Variants in CTNNBL1 observed in about 807,000 individuals in gnomAD.
CTNNBL1 encodes beta-catenin-like protein 1.
A neutral mutation model predicts 72.7 loss-of-function variants in CTNNBL1; 31 were observed. The observed-to-expected ratio is 0.43, with a 90% CI of 0.32 to 0.58. CTNNBL1 has a LOEUF of 0.58. Among genes scored for constraint, CTNNBL1 ranks in the 20% least tolerant of loss-of-function variants. The probability of loss-of-function intolerance (pLI) is 0.08; values close to 1 mark genes in which losing one functional copy is unlikely to be tolerated. For synonymous variants in CTNNBL1, 240 were observed against 267.3 expected (o/e 0.90, Z 1.00); for missense variants, 534 against 725.1 (o/e 0.74, Z 3.03).
intron 10 of CTNNBL1, among the ~76,000 whole-genome samples, chr20:37,782,331 A>G (rs754939885): frequency 1.3e-4 from 20 of 152,142 alleles, no homozygotes; most frequent in Non-Finnish European, 2.2e-4. Context: ...AAGAAAGATC[A>G]CAAACAAGAT....
chr20:37,747,806 C>T (rs536166794), intron 4 of CTNNBL1, among the ~76,000 whole-genome samples: 2 of 152,224 alleles, frequency 1.3e-5, no homozygotes, highest in South Asian at 4.1e-4. Context: ...ACTCAATCTC[C>T]TGGCCTCAAG....
At chr20:37,787,587 G>A (rs762006400) in intron 10 of CTNNBL1, among the ~76,000 whole-genome samples, 2 of 152,210 alleles carry the variant, frequency 1.3e-5, no homozygotes, top group South Asian at 2.1e-4. Flanking sequence ...CTCGTGATCC[G>A]CACGCCTTGG....
At chr20:37,775,915 T>C (rs1275868147) in intron 7 of CTNNBL1, among the ~76,000 whole-genome samples, 2 of 152,274 alleles carry the variant, frequency 1.3e-5, no homozygotes, top group Non-Finnish European at 2.9e-5. Context: ...AATGCTAATG[T>C]ATAAGTTGGT....
intron 15 of CTNNBL1, among the ~76,000 whole-genome samples, chr20:37,867,731 AG>A (rs2072548180): frequency 6.6e-6 from 1 of 152,086 alleles, no homozygotes. Flanking sequence ...ACACACATGC[AG>A]CAGAGAGAAC....
intron 1 of CTNNBL1, 112 bp from the exon 2 acceptor site, chr20:37,732,767 A>G (rs1359492470): frequency 2.7e-5 from 25 of 922,728 alleles, no homozygotes; most frequent in Non-Finnish European, 1.6e-6. Flanking sequence ...TCCTGGGCTC[A>G]AGAGATCTGC....
At chr20:37,730,767 A>C (rs772658598) in intron 1 of CTNNBL1, among the ~76,000 whole-genome samples, 6 of 152,208 alleles carry the variant, frequency 3.9e-5, no homozygotes, top group Non-Finnish European at 7.3e-5. Flanking sequence ...GCTGGAGCCC[A>C]GAAGTTCAGG....
chr20:37,779,458 A>G, intron 10 of CTNNBL1, 123 bp downstream of exon 10: 2 of 1,110,428 alleles, frequency 1.8e-6, no homozygotes, highest in Non-Finnish European at 2.6e-6. Context: ...TACCCTGAAG[A>G]GTAAAGTCTT....
chr20:37,840,905 G>C (rs1410860819), intron 12 of CTNNBL1, among the ~76,000 whole-genome samples: 1 of 152,086 alleles, frequency 6.6e-6, no homozygotes. Flanking sequence ...AGATGGTTCG[G>C]GCTATGGAAG....
chr20:37,777,863 G>A, intron 9 of CTNNBL1, 151 bp downstream of exon 9: 1 of 738,378 alleles, frequency 1.4e-6, no homozygotes, highest in East Asian at 2.6e-5. Context: ...GAGGGACATG[G>A]TTTGCCTCCT....
chr20:37,758,852 A>C (rs546105297), intron 5 of CTNNBL1, among the ~76,000 whole-genome samples: 1 of 152,346 alleles, frequency 6.6e-6, no homozygotes, highest in Admixed American at 6.5e-5. Flanking sequence ...GTCCTACCCA[A>C]GACCCACTGA....
chr20:37,835,980 G>T (rs1320360094), intron 11 of CTNNBL1, among the ~76,000 whole-genome samples: 1 of 152,204 alleles, frequency 6.6e-6, no homozygotes, highest in Non-Finnish European at 1.5e-5. Context: ...TATGGGAAAA[G>T]AAATATATTA....
intron 11 of CTNNBL1, among the ~76,000 whole-genome samples, chr20:37,809,578 G>T (rs2071991398): frequency 6.6e-6 from 1 of 152,174 alleles, no homozygotes; most frequent in Admixed American, 6.5e-5. Context: ...GATCACACGT[G>T]TCACACTCAT....
intron 10 of CTNNBL1, among the ~76,000 whole-genome samples, chr20:37,795,700 G>A (rs1294152727): frequency 1.3e-5 from 2 of 151,954 alleles, no homozygotes; most frequent in African/African-American, 2.4e-5. Context: ...ACATGCTGAT[G>A]CTTTTCTCGA....
At chr20:37,745,355 C>T (rs2073253504) in intron 3 of CTNNBL1, among the ~76,000 whole-genome samples, 1 of 152,100 alleles carries the variant, frequency 6.6e-6, no homozygotes, top group Non-Finnish European at 1.5e-5. Context: ...CAGTAGGCAT[C>T]TGTGGATATA....
chr20:37,816,474 C>T (rs6067731), intron 11 of CTNNBL1, among the ~76,000 whole-genome samples: 57,022 of 151,998 alleles, frequency 0.38, 11,012 homozygotes, highest in Admixed American at 0.49. Context: ...ACTTGAGTGT[C>T]GTTTGTTCTC....
At position 37,780,830 on chromosome 20, in the gene CTNNBL1, C is replaced by T. The variant is rs61609607; in HGVS notation, c.1031+1495C>T. Among the ~76,000 whole-genome samples, 1,482 of 152,168 alleles carry T rather than the reference C, an allele frequency of 9.7e-3. 21 individuals carry two copies. Among genetic ancestry groups the T allele is most frequent in the African/African-American group, 0.034 (1,427 of 41,512 alleles). ...CCAGTTTTTCTGATCATTGTTATAACGGTGTTATTTGAGGATCTGACCTCC... is the reference window on the plus strand; with the variant it reads ...CCAGTTTTTCTGATCATTGTTATAATGGTGTTATTTGAGGATCTGACCTCC... On this transcript the variant is annotated intron_variant, in intron 10 of 15. Coordinates refer to ENST00000361383, the MANE Select transcript of CTNNBL1 (RefSeq NM_030877.5).
At chr20:37,738,385 T>C (rs986945581) in intron 3 of CTNNBL1, among the ~76,000 whole-genome samples, 7 of 152,244 alleles carry the variant, frequency 4.6e-5, no homozygotes, top group African/African-American at 1.2e-4. Flanking sequence ...ATAGTTAACG[T>C]GAGTTTTACT....
At chr20:37,713,132 G>A (rs1056540511) in intron 1 of CTNNBL1, among the ~76,000 whole-genome samples, 88 of 152,116 alleles carry the variant, frequency 5.8e-4, no homozygotes, top group African/African-American at 2.0e-3. Flanking sequence ...TTTTTTGACT[G>A]AAGATTTCTT....
At chr20:37,733,898 G>A (rs1229581204) in intron 2 of CTNNBL1, among the ~76,000 whole-genome samples, 1 of 152,158 alleles carries the variant, frequency 6.6e-6, no homozygotes, top group Non-Finnish European at 1.5e-5. Context: ...GCAATACCTA[G>A]CTCTTGGTAG....
Sources: gnomAD v4.1 joint callset for allele counts (sites outside exome capture counted in the v4.1 genomes callset) on GRCh38, gnomAD v4.1.1 for gene constraint, MANE v1.5 for transcripts, NCBI Gene and HGNC (gene_info 2026-07-23, HGNC 2026-07-21) for gene names.